EML6: variants seen among roughly 807,000 people sequenced by gnomAD.
The protein encoded by EML6 is echinoderm microtubule-associated protein-like 6.
A neutral mutation model predicts 240.1 loss-of-function variants in EML6; 154 were observed. The observed-to-expected ratio is 0.64, with a 90% CI of 0.56 to 0.73. EML6 has a LOEUF of 0.73. Among genes scored for constraint, EML6 ranks in the 30% least tolerant of loss-of-function variants. EML6 has a pLI of 0.00. For missense variants in EML6, 2,964 were observed against 2,474.6 expected (o/e 1.20, Z -4.20); for synonymous variants, 1,148 against 899.0 (o/e 1.28, Z -4.95).
chr2:54,878,717 A>G (rs1043771507), intron 16 of EML6, among the ~76,000 whole-genome samples: 6 of 152,232 alleles, frequency 3.9e-5, no homozygotes, highest in South Asian at 2.1e-4. Context: ...GCAGTTATAC[A>G]TAGGGATTTA....
rs185014408 is a variant in EML6, at chr2:54,864,024, G to T, written c.1932+135G>T. ...AAAAACAAGAAAAATAGTCTACTTT[G>T]TGCCTTTAAGTGCAGGTTAAAACCG... On this transcript the variant is annotated intron_variant, in intron 13 of 41. Coordinates refer to ENST00000356458, the MANE Select transcript of EML6 (RefSeq NM_001039753.4). 4.2e-4 allele frequency: 236 copies of T among 560,876 alleles called. 1 individual carries two copies. In the African/African-American group the frequency reaches 4.3e-3, roughly 10 times the overall value. 34.7% of individuals were successfully genotyped at this position (560,876 alleles called of 1,614,324 possible). A position where few individuals can be genotyped will look rare whatever the true frequency, so the allele number is the denominator to read the frequency against.
In EML6 at chr2:54,797,168, A is replaced by AAAAAAAAAC. The variant is rs1553380356; in HGVS notation, c.198-16056_198-16055insCAAAAAAAA. Among the ~76,000 whole-genome samples the AAAAAAAAAC allele has an allele frequency of 4.1e-4, 52 of 125,976 alleles. 1 individual carries two copies. The highest frequency in any genetic ancestry group is 1.5e-3 in the South Asian group (6 of 4,004). The allele number at this position is 125,976 out of a possible 152,430, so 82.6% of individuals were successfully genotyped here. On this transcript the variant is annotated intron_variant, in intron 2 of 41. Transcript: ENST00000356458. ...TGACAGAGCAAGACTCCATCTCAAA[A>AAAAAAAAAC]AAAAAAAAAAAAAAAAAAAAACTGT...
intron 7 of EML6, among the ~76,000 whole-genome samples, chr2:54,842,884 G>A (rs1031863579): frequency 2.0e-5 from 3 of 152,114 alleles, no homozygotes; most frequent in Non-Finnish European, 2.9e-5. Flanking sequence ...AAATTAAGTC[G>A]GTGAAGAATA....
At chr2:54,795,505 G>A (rs1259591427) in intron 2 of EML6, among the ~76,000 whole-genome samples, 3 of 152,154 alleles carry the variant, frequency 2.0e-5, no homozygotes, top group Non-Finnish European at 2.9e-5. Context: ...TCAAATACAC[G>A]TGTGGGGGAG....
intron 16 of EML6, among the ~76,000 whole-genome samples, chr2:54,875,585 T>C (rs1288311314): frequency 3.3e-5 from 5 of 152,232 alleles, no homozygotes; most frequent in Non-Finnish European, 7.3e-5. Flanking sequence ...AGCACAGTTA[T>C]GTGTGAGGAT....
At chr2:54,923,280 C>A (rs1456386750) in intron 26 of EML6, among the ~76,000 whole-genome samples, 1 of 151,462 alleles carries the variant, frequency 6.6e-6, no homozygotes, top group Non-Finnish European at 1.5e-5. Context: ...TTCTGGGGAT[C>A]TGATGTAGAG....
At chr2:54,955,314 A>C (rs1292745903) in intron 32 of EML6, among the ~76,000 whole-genome samples, 2 of 152,166 alleles carry the variant, frequency 1.3e-5, no homozygotes, top group Admixed American at 1.3e-4. Context: ...AGTGGGAAGA[A>C]CTAGAGAAGA....
intron 11 of EML6, among the ~76,000 whole-genome samples, chr2:54,858,577 G>C (rs187107746): frequency 1.3e-5 from 2 of 152,156 alleles, no homozygotes; most frequent in South Asian, 4.1e-4. Flanking sequence ...TTTGAAGTAG[G>C]CAAGTTTGCT....
chr2:54,853,861 G>T lies in EML6; in HGVS notation c.1657+6G>T. The T allele has an allele frequency of 2.6e-6, 4 of 1,539,348 alleles. No homozygotes were observed. The highest frequency in any genetic ancestry group is 3.5e-6 in the Non-Finnish European group (4 of 1,136,596). On this transcript the variant is annotated splice_donor_region_variant and intron_variant, in intron 11 of 41. Transcript: ENST00000356458. Reference sequence around the variant, plus strand: ...ATTTCCTTGTCTCAAGAGAGGTAAGGCCAAAAGAGATGTTTCATTGCATAA... The same window carrying T: ...ATTTCCTTGTCTCAAGAGAGGTAAGTCCAAAAGAGATGTTTCATTGCATAA...
Position 54,829,377 on chromosome 2 carries a change from C to T in EML6, c.747C>T (p.Gly249=). 1 of 1,551,808 alleles carries T rather than the reference C, an allele frequency of 6.4e-7. No homozygotes were observed. The highest frequency in any genetic ancestry group is 8.7e-7 in the Non-Finnish European group (1 of 1,146,926). ...TTAGCATGTATGCTTGTGAAGAAGG[C>T]TTTGCCACTGGTGGGCGAGATGGGT... ...GIFSMYACEE[G]FATGGRDGCI... The change falls in exon 7 of 42, where the codon GGC becomes GGT. Residue 249 remains glycine, a synonymous_variant. Transcript: ENST00000356458.
At chr2:54,765,111 G>A (rs1668131507) in intron 2 of EML6, among the ~76,000 whole-genome samples, 1 of 151,782 alleles carries the variant, frequency 6.6e-6, no homozygotes, top group South Asian at 2.1e-4. Context: ...CTTCCTTTGA[G>A]TGGAAAACTA....
intron 6 of EML6, among the ~76,000 whole-genome samples, chr2:54,828,013 T>G (rs1250477416): frequency 6.6e-6 from 1 of 152,236 alleles, no homozygotes; most frequent in Non-Finnish European, 1.5e-5. Flanking sequence ...TAGAACTAGC[T>G]CATCAGATTC....
At chr2:54,929,746 G>C (rs915885277) in intron 28 of EML6, among the ~76,000 whole-genome samples, 54 of 152,148 alleles carry the variant, frequency 3.5e-4, no homozygotes, top group African/African-American at 1.2e-3. Flanking sequence ...TTCAGTGCCA[G>C]ATGTTAAAAT....
chr2:54,847,377 T>G, intron 8 of EML6, 109 bp from the exon 9 acceptor site: 1 of 1,166,790 alleles, frequency 8.6e-7, no homozygotes, highest in Non-Finnish European at 1.2e-6. Context: ...GAAGTTCCTA[T>G]GTCTTTTCTT....
intron 16 of EML6, among the ~76,000 whole-genome samples, chr2:54,875,637 T>C (rs1394669951): frequency 1.3e-5 from 2 of 152,218 alleles, no homozygotes; most frequent in Non-Finnish European, 2.9e-5. Context: ...ACAAAAGACA[T>C]TTTTAGTCAA....
At chr2:54,844,296 A>T (rs1355474580) in intron 8 of EML6, 48 bp downstream of exon 8, 1 of 1,401,512 alleles carries the variant, frequency 7.1e-7, no homozygotes, top group Admixed American at 2.0e-5. Flanking sequence ...AGATGGATTT[A>T]TTTGCCCAAA....
At chr2:54,789,762 C>G (rs561382564) in intron 2 of EML6, among the ~76,000 whole-genome samples, 1 of 152,254 alleles carries the variant, frequency 6.6e-6, no homozygotes, top group East Asian at 1.9e-4. Flanking sequence ...AACTAAGGCT[C>G]AGACATGGTC....
At chr2:54,895,533 C>T (rs1249260054) in intron 21 of EML6, 133 bp downstream of exon 21, 2 of 793,776 alleles carry the variant, frequency 2.5e-6, no homozygotes, top group Non-Finnish European at 4.0e-6. Flanking sequence ...AACTAGTTAC[C>T]TATTGCTGTG....
chr2:54,823,878 T>TCTGTCTCTCTC (rs60937620), intron 5 of EML6, among the ~76,000 whole-genome samples: 12 of 129,188 alleles, frequency 9.3e-5, no homozygotes, highest in South Asian at 2.4e-4. Flanking sequence ...CTCTCTCTCT[T>TCTGTCTCTCTC]TCTGTCTCTC....
Sources: gnomAD v4.1 joint callset for allele counts (sites outside exome capture counted in the v4.1 genomes callset) on GRCh38, gnomAD v4.1.1 for gene constraint, MANE v1.5 for transcripts, NCBI Gene and HGNC (gene_info 2026-07-23, HGNC 2026-07-21) for gene names.